Variants in CTNNA2 observed in about 807,000 individuals in gnomAD.
CTNNA2 encodes the protein catenin alpha 2.
Under a neutral mutation model 101.0 loss-of-function variants are expected in CTNNA2, and 42 were observed. The observed-to-expected ratio is 0.42, with a 90% CI of 0.32 to 0.54. CTNNA2 has a LOEUF of 0.54. CTNNA2 is among the 20% of genes least tolerant of loss of function. The pLI is 0.14. For synonymous variants in CTNNA2, 450 were observed against 456.4 expected (o/e 0.99, Z 0.18); for missense variants, 871 against 1,223.1 (o/e 0.71, Z 4.29).
At chr2:79,804,722 CTG>C (rs1676435231) in intron 3 of CTNNA2, among the ~76,000 whole-genome samples, 1 of 151,986 alleles carries the variant, frequency 6.6e-6, no homozygotes, top group Admixed American at 6.6e-5. Flanking sequence ...CCATTATTGT[CTG>C]TGAAAATTTT....
chr2:80,600,767 C>G (rs1573417417), intron 15 of CTNNA2, among the ~76,000 whole-genome samples: 1 of 152,056 alleles, frequency 6.6e-6, no homozygotes, highest in Non-Finnish European at 1.5e-5. Context: ...ACATCAGCCT[C>G]CGAGTAGCTG....
intron 8 of CTNNA2, among the ~76,000 whole-genome samples, chr2:80,412,112 G>A (rs891231026): frequency 6.6e-6 from 1 of 152,080 alleles, no homozygotes; most frequent in East Asian, 1.9e-4. Context: ...TAAGCCATCT[G>A]GAGATCCACA....
intron 9 of CTNNA2, among the ~76,000 whole-genome samples, chr2:80,522,595 C>T (rs1370067689): frequency 6.6e-6 from 1 of 151,986 alleles, no homozygotes; most frequent in Non-Finnish European, 1.5e-5. Context: ...GAATTGTAAT[C>T]CCCAGTGTTG....
At chr2:80,478,609 C>T (rs933075326) in intron 9 of CTNNA2, among the ~76,000 whole-genome samples, 1 of 152,018 alleles carries the variant, frequency 6.6e-6, no homozygotes, top group Non-Finnish European at 1.5e-5. Flanking sequence ...CAGTTATTTT[C>T]CCAGCACTAT....
At chr2:79,790,257 A>C (rs780537225) in intron 3 of CTNNA2, among the ~76,000 whole-genome samples, 18 of 152,192 alleles carry the variant, frequency 1.2e-4, no homozygotes, top group Non-Finnish European at 2.1e-4. Context: ...AAGAGCTGTT[A>C]GGAAAATTAC....
rs375645223 is a variant in CTNNA2, at chr2:80,601,417, C to CTTTTTTTTTTTT, written c.2190-2654_2190-2653insTTTTTTTTTTTT. ...GATTTAATGACTTTTTTCTTTCTTT[C>CTTTTTTTTTTTT]TTTCTTTTTTTTTTTTTTTGATGAG... On this transcript the variant is annotated intron_variant, in intron 15 of 18. Transcript: ENST00000402739. 6.1e-3 allele frequency among the ~76,000 whole-genome samples: 572 copies of CTTTTTTTTTTTT among 93,780 alleles called. 36 individuals carry two copies. The highest frequency in any genetic ancestry group is 9.1e-3 in the Non-Finnish European group (414 of 45,336). 61.5% of individuals were successfully genotyped at this position (93,780 alleles called of 152,430 possible).
chr2:80,022,249 T>C (rs1409665666), intron 7 of CTNNA2, among the ~76,000 whole-genome samples: 2 of 152,238 alleles, frequency 1.3e-5, no homozygotes, highest in African/African-American at 4.8e-5. Flanking sequence ...TACTAATGGC[T>C]GACATGGAGG....
intron 7 of CTNNA2, among the ~76,000 whole-genome samples, chr2:80,300,320 G>A (rs1676164290): frequency 1.4e-5 from 2 of 141,486 alleles, no homozygotes; most frequent in South Asian, 4.5e-4. Context: ...GTGTGTGTGT[G>A]TGTGTGTGTG....
intron 7 of CTNNA2, among the ~76,000 whole-genome samples, chr2:80,227,641 G>A (rs1322504692): frequency 1.3e-5 from 2 of 152,156 alleles, no homozygotes. Flanking sequence ...GTTGGCCTAG[G>A]TCCTCATGAT....
chr2:79,571,213 A>G lies in CTNNA2; in HGVS notation c.-6+58006A>G, dbSNP rs868686131. On this transcript the variant is annotated intron_variant, in intron 1 of 18. Transcript: ENST00000402739. ...GGCCTGTTTTCCATTTCTCATTTGG[A>G]ATGGTCAGTAACAAGTGTCTTACCT... 4.6e-5 allele frequency among the ~76,000 whole-genome samples: 7 copies of G among 152,190 alleles called. No individual in the cohort carries two copies. In the South Asian group the frequency reaches 8.3e-4, roughly 18 times the overall value.
chr2:79,799,790 G>A (rs1676015620), intron 3 of CTNNA2, among the ~76,000 whole-genome samples: 1 of 152,072 alleles, frequency 6.6e-6, no homozygotes, highest in Non-Finnish European at 1.5e-5. Flanking sequence ...TTTTTCCACA[G>A]GGTTATGGTA....
In CTNNA2 at chr2:79,636,904, C is replaced by T. The variant is rs571499590; in HGVS notation, c.-5-14648C>T. ...CATAAATTTGCTTGTCATTCTTCCC[C>T]GAGACCATGATAATCTTCTCCACAT... On this transcript the variant is annotated intron_variant, in intron 1 of 18. Coordinates refer to ENST00000402739, the MANE Select transcript of CTNNA2 (RefSeq NM_001282597.3). 8.6e-5 allele frequency: 13 copies of T among 152,010 alleles called. No homozygotes were observed. In the South Asian group the frequency reaches 1.0e-3, roughly 12 times the overall value. The allele number at this position is 152,010 out of a possible 1,614,324, so 9.4% of individuals were successfully genotyped here. A position where few individuals can be genotyped will look rare whatever the true frequency, so the allele number is the denominator to read the frequency against.
chr2:79,847,542 CAAAAAAAAAAAAA>C lies in CTNNA2; in HGVS notation c.299-10453_299-10441del, dbSNP rs70940050. On this transcript the variant is annotated intron_variant, in intron 3 of 18. Transcript: ENST00000402739. ...TGGGTGACAGAGTGAGACTCTGTCTCAAAAAAAAAAAAAAAAAAAAAAAAAAAAAAGCTAGAAC... is the reference window on the plus strand; with the variant it reads ...TGGGTGACAGAGTGAGACTCTGTCTCAAAAAAAAAAAAAAAAAGCTAGAAC... Among the ~76,000 whole-genome samples, 19 of 40,166 alleles carry C rather than the reference CAAAAAAAAAAAAA, an allele frequency of 4.7e-4. No homozygotes were observed. In the East Asian group the frequency reaches 0.02, roughly 42 times the overall value. 26.4% of individuals were successfully genotyped at this position (40,166 alleles called of 152,430 possible). A position where few individuals can be genotyped will look rare whatever the true frequency, so the allele number is the denominator to read the frequency against.
At chr2:79,402,035 A>G (rs1310487019) in intron 4 of CTNNA2, among the ~76,000 whole-genome samples, 2 of 151,726 alleles carry the variant, frequency 1.3e-5, no homozygotes, top group Non-Finnish European at 3.0e-5. Context: ...GACAAAATAT[A>G]CTTTAAGACA....
chr2:79,573,535 T>C (rs1049148685), intron 1 of CTNNA2, among the ~76,000 whole-genome samples: 1 of 152,258 alleles, frequency 6.6e-6, no homozygotes, highest in African/African-American at 2.4e-5. Flanking sequence ...AGCAGCATGC[T>C]GCTATTCAGC....
At chr2:79,550,497 A>G (rs1326386374) in intron 1 of CTNNA2, among the ~76,000 whole-genome samples, 3 of 152,228 alleles carry the variant, frequency 2.0e-5, no homozygotes, top group South Asian at 2.1e-4. Flanking sequence ...CATCCACTCC[A>G]TAGCCATAGC....
chr2:79,430,065 G>A (rs1357256429), intron 4 of CTNNA2, among the ~76,000 whole-genome samples: 1 of 152,112 alleles, frequency 6.6e-6, no homozygotes, highest in Non-Finnish European at 1.5e-5. Flanking sequence ...AGAAGCGGAG[G>A]AGGACAAGTG....
At chr2:79,569,323 G>A (rs918920948) in intron 1 of CTNNA2, among the ~76,000 whole-genome samples, 1 of 151,996 alleles carries the variant, frequency 6.6e-6, no homozygotes, top group African/African-American at 2.4e-5. Context: ...AGGGTCGGCT[G>A]GGGGGTCTTG....
chr2:80,455,759 G>T (rs980862700), intron 9 of CTNNA2, among the ~76,000 whole-genome samples: 3 of 152,168 alleles, frequency 2.0e-5, no homozygotes, highest in Non-Finnish European at 4.4e-5. Flanking sequence ...CAGTGCCATT[G>T]CTTACCATTG....
Sources: gnomAD v4.1 joint callset for allele counts (sites outside exome capture counted in the v4.1 genomes callset) on GRCh38, gnomAD v4.1.1 for gene constraint, MANE v1.5 for transcripts, NCBI Gene and HGNC (gene_info 2026-07-23, HGNC 2026-07-21) for gene names.